Variants in WDR33 observed in about 807,000 individuals in gnomAD.
The protein encoded by WDR33 is WD repeat domain 33.
A neutral mutation model predicts 164.9 loss-of-function variants in WDR33; 47 were observed. The ratio of observed to expected loss-of-function variants is 0.29; its 90% confidence interval spans 0.23 to 0.36. The LOEUF is 0.36. Ranked by LOEUF, WDR33 falls within the 10% of genes least tolerant of loss-of-function variation. WDR33 has a pLI of 1.00. For synonymous variants in WDR33, 505 were observed against 589.0 expected (o/e 0.86, Z 2.06); for missense variants, 1,137 against 1,754.1 (o/e 0.65, Z 6.28).
At chr2:127,742,340 C>A in intron 7 of WDR33, among the ~76,000 whole-genome samples, 1 of 151,460 alleles carries the variant, frequency 6.6e-6, no homozygotes, top group Non-Finnish European at 1.5e-5. Flanking sequence ...ACAGACTAGG[C>A]AACAAAAAAT....
At chr2:127,750,745 C>CATATATATATGTATACATACAT (rs3991688) in intron 7 of WDR33, among the ~76,000 whole-genome samples, 2 of 78,200 alleles carry the variant, frequency 2.6e-5, no homozygotes, top group African/African-American at 1.1e-4. Flanking sequence ...TGTATGCATA[C>CATATATATATGTATACATACAT]ATATATATGT....
At chr2:127,783,635 C>G (rs1362442832) in intron 1 of WDR33, among the ~76,000 whole-genome samples, 3 of 115,140 alleles carry the variant, frequency 2.6e-5, no homozygotes, top group African/African-American at 1.1e-4. Flanking sequence ...GAGACAGTCT[C>G]GCTCTGGTGC....
chr2:127,775,614 C>T (rs1197969252), intron 1 of WDR33, among the ~76,000 whole-genome samples: 1 of 152,152 alleles, frequency 6.6e-6, no homozygotes, highest in Non-Finnish European at 1.5e-5. Flanking sequence ...ATTTACTCTA[C>T]AAATATGAGG....
In WDR33 at chr2:127,741,177, C is replaced by T. The variant is rs1687003359; in HGVS notation, c.725-14400G>A. On this transcript the variant is annotated intron_variant, in intron 7 of 21. Coordinates refer to ENST00000322313, the MANE Select transcript of WDR33 (RefSeq NM_018383.5). This position sits in a 1 kb window ranked among gnomAD's most constrained non-coding sequence, Gnocchi z 4.1. ...CAAATTATACAAAGCACATTTGTTA[C>T]AAAAAGCACATTTCAGTCTGGGAAG... Among the ~76,000 whole-genome samples the T allele has an allele frequency of 6.6e-6, 1 of 152,124 alleles. No homozygotes were observed. Among genetic ancestry groups the T allele is most frequent in the Non-Finnish European group, 1.5e-5 (1 of 68,026 alleles).
chr2:127,731,559 C>A (rs1173573024), intron 7 of WDR33, among the ~76,000 whole-genome samples: 3 of 152,052 alleles, frequency 2.0e-5, no homozygotes, highest in Non-Finnish European at 4.4e-5. Context: ...ATTTACTGCA[C>A]CTTGTTTGAA....
intron 7 of WDR33, chr2:127,736,702 C>T: frequency 1.0e-6 from 1 of 985,404 alleles, no homozygotes; most frequent in South Asian, 4.7e-5. Flanking sequence ...TGCCGTGTAA[C>T]TTCTTAAGTA....
At chr2:127,711,342 T>C (rs1045189429) in intron 18 of WDR33, among the ~76,000 whole-genome samples, 1 of 151,016 alleles carries the variant, frequency 6.6e-6, no homozygotes, top group African/African-American at 2.4e-5. Flanking sequence ...CAAGAATCGC[T>C]TGAACCCAGG....
At chr2:127,793,061 G>GT (rs1688896342) in intron 1 of WDR33, among the ~76,000 whole-genome samples, 1 of 152,146 alleles carries the variant, frequency 6.6e-6, no homozygotes, top group South Asian at 2.1e-4. Context: ...TTTCATACAT[G>GT]TATGTGTATT....
Position 127,763,409 on chromosome 2 carries a change from G to A in WDR33, c.627-250C>T, listed in dbSNP as rs1021444530. 7.9e-7 allele frequency: 1 copy of A among 1,270,080 alleles called. No individual in the cohort carries two copies. The allele number at this position is 1,270,080 out of a possible 1,614,324, so 78.7% of individuals were successfully genotyped here. ...AGAACTTCAAGTGTGTATTATTAGT[G>A]CTAATGCTATCCATGTTCCTTCTCT... On this transcript the variant is annotated intron_variant, in intron 6 of 21. Transcript: ENST00000322313. The surrounding 1 kb of genome is among the most constrained non-coding windows in gnomAD (Gnocchi z 4.5).
chr2:127,709,895 C>A lies in WDR33; in HGVS notation c.3309-39G>T, dbSNP rs753262715. On this transcript the variant is annotated intron_variant, in intron 18 of 21. Transcript: ENST00000322313. The surrounding 1 kb of genome is among the most constrained non-coding windows in gnomAD (Gnocchi z 5.0). ...ACAGCAGAATGTCCATCTCAGAGAACACCTTGCCACTCTAAGTTCATGTTT... is the reference window on the plus strand; with the variant it reads ...ACAGCAGAATGTCCATCTCAGAGAAAACCTTGCCACTCTAAGTTCATGTTT... The A allele has an allele frequency of 6.2e-7, 1 of 1,600,314 alleles. No homozygotes were observed. Among genetic ancestry groups the A allele is most frequent in the Non-Finnish European group, 8.5e-7 (1 of 1,173,626 alleles).
At chr2:127,794,833 CAAAAAAA>C (rs990234716) in intron 1 of WDR33, among the ~76,000 whole-genome samples, 37 of 79,302 alleles carry the variant, frequency 4.7e-4, no homozygotes, top group East Asian at 1.2e-3. Flanking sequence ...GACTCCGTTT[CAAAAAAA>C]AAAAAAAAAA....
At chr2:127,782,723 G>C (rs1688418033) in intron 1 of WDR33, among the ~76,000 whole-genome samples, 1 of 152,148 alleles carries the variant, frequency 6.6e-6, no homozygotes, top group African/African-American at 2.4e-5. Flanking sequence ...AAAGTATACA[G>C]CAGGAGCCAG....
intron 7 of WDR33, among the ~76,000 whole-genome samples, chr2:127,753,728 T>C (rs1480396208): frequency 6.6e-6 from 1 of 151,998 alleles, no homozygotes; most frequent in Non-Finnish European, 1.5e-5. Flanking sequence ...TTTAAAAGAA[T>C]ATGGAGGCAT....
At chr2:127,771,515 A>T (rs1688001162) in intron 1 of WDR33, among the ~76,000 whole-genome samples, 1 of 152,226 alleles carries the variant, frequency 6.6e-6, no homozygotes, top group Non-Finnish European at 1.5e-5. Context: ...GACAGAGACC[A>T]GTTACACATC....
At chr2:127,798,557 G>A (rs1325625055) in intron 1 of WDR33, among the ~76,000 whole-genome samples, 1 of 151,748 alleles carries the variant, frequency 6.6e-6, no homozygotes, top group Non-Finnish European at 1.5e-5. Flanking sequence ...ATGGTTCTCA[G>A]GTTCTAGTTC....
chr2:127,753,953 G>A (rs1194535038), intron 7 of WDR33, among the ~76,000 whole-genome samples: 1 of 152,170 alleles, frequency 6.6e-6, no homozygotes, highest in African/African-American at 2.4e-5. Flanking sequence ...GGGGCATGAA[G>A]AAATCTTTGA....
At chr2:127,781,999 TA>T (rs764718254) in intron 1 of WDR33, among the ~76,000 whole-genome samples, 764 of 90,152 alleles carry the variant, frequency 8.5e-3, no homozygotes, top group Middle Eastern at 0.048. Context: ...ACTCTTTTTC[TA>T]AAAAAAAAAA....
rs914169999 is a variant in WDR33, at chr2:127,741,029, T to G, written c.725-14252A>C. Among the ~76,000 whole-genome samples the G allele has an allele frequency of 6.6e-6, 1 of 152,190 alleles. No individual in the cohort carries two copies. Among genetic ancestry groups the G allele is most frequent in the African/African-American group, 2.4e-5 (1 of 41,446 alleles). On this transcript the variant is annotated intron_variant, in intron 7 of 21. Transcript: ENST00000322313. This position sits in a 1 kb window ranked among gnomAD's most constrained non-coding sequence, Gnocchi z 4.1. The stretch of plus-strand genomic sequence containing the variant: ...GACTGTAGTTGTCAGTGACAAAGGT[T>G]GTGGCAAAGGCTCAGTGACAAAGGC...
Position 127,738,332 on chromosome 2 carries a change from A to C in WDR33, c.725-11555T>G, listed in dbSNP as rs1290325645. ...TTCCCATAAAATATCCATTTAGTCC[A>C]TACTGATATAAGCAAATAACTGAAT... On this transcript the variant is annotated intron_variant, in intron 7 of 21. Coordinates refer to ENST00000322313, the MANE Select transcript of WDR33 (RefSeq NM_018383.5). The surrounding 1 kb of genome is among the most constrained non-coding windows in gnomAD (Gnocchi z 4.4). Among the ~76,000 whole-genome samples, 2 of 152,194 alleles carry C rather than the reference A, an allele frequency of 1.3e-5. No individual in the cohort carries two copies. Among genetic ancestry groups the C allele is most frequent in the Non-Finnish European group, 2.9e-5 (2 of 68,028 alleles).
Sources: gnomAD v4.1 joint callset for allele counts (sites outside exome capture counted in the v4.1 genomes callset) on GRCh38, gnomAD v4.1.1 for gene constraint, Gnocchi (gnomAD v3.1) non-coding constraint, MANE v1.5 for transcripts, NCBI Gene and HGNC (gene_info 2026-07-23, HGNC 2026-07-21) for gene names.